The following ITGB2 variants were observed in gnomAD, a reference collection of about 807,000 sequenced individuals.
ITGB2 encodes integrin beta-2.
A neutral mutation model predicts 86.8 loss-of-function variants in ITGB2; 56 were observed. The observed-to-expected ratio is 0.65, with a 90% CI of 0.52 to 0.81. The LOEUF (loss-of-function observed/expected upper bound fraction) is 0.81, where lower values mean the gene tolerates loss of function less well. ITGB2 is among the 30% of genes least tolerant of loss of function. ITGB2 has a pLI of 0.00. For synonymous variants in ITGB2, 457 were observed against 450.4 expected, an observed-to-expected ratio of 1.01 and a Z score of -0.19; for missense variants, 948 against 1,061.2, an observed-to-expected ratio of 0.89 and a Z score of 1.48.
chr21:44,889,335 G>T lies in ITGB2; in HGVS notation c.1818C>A (p.Gly606=), dbSNP rs149858736. 55 of 1,612,918 alleles carry T rather than the reference G, an allele frequency of 3.4e-5. No homozygotes were observed. The African/African-American group carries it at 6.7e-4, about 20-fold the overall frequency. Residue 606 remains glycine (G), a synonymous_variant, in exon 13 of 16, where the codon GGC becomes GGA. Coordinates refer to ENST00000652462, the MANE Select transcript of ITGB2 (RefSeq NM_000211.5). The stretch of plus-strand genomic sequence containing the variant: ...ACTCCTGGCACAGAGGCAGCTGGTA[G>T]CCTGAATGGCACTCGCATACGTTGC... The part of the protein sequence containing the change: ...CRCNVCECHS[G]YQLPLCQECP...
chr21:44,920,106 AG>A (rs2084279142), intron 1 of ITGB2, among the ~76,000 whole-genome samples: 1 of 152,126 alleles, frequency 6.6e-6, no homozygotes, highest in Non-Finnish European at 1.5e-5. Context: ...CGGAGGAGGC[AG>A]GGAAGCTCGA....
At chr21:44,915,256 C>G (rs1032240401) in intron 1 of ITGB2, among the ~76,000 whole-genome samples, 5 of 152,022 alleles carry the variant, frequency 3.3e-5, no homozygotes, top group African/African-American at 4.8e-5. Flanking sequence ...GATCTCCTGA[C>G]CTCATGATCC....
At chr21:44,889,212 C>A in intron 13 of ITGB2, 64 bp downstream of exon 13, 1 of 1,528,868 alleles carries the variant, frequency 6.5e-7, no homozygotes, top group South Asian at 1.1e-5. Context: ...GTGAGCCCGG[C>A]TGCTGGGTAG....
intron 1 of ITGB2, chr21:44,911,525 G>A (rs1045548100): frequency 6.6e-6 from 1 of 152,450 alleles, no homozygotes; most frequent in Non-Finnish European, 1.5e-5. Flanking sequence ...GCCAGGCTGT[G>A]TGCCAGGAAG....
chr21:44,896,273 G>A (rs955616029), intron 8 of ITGB2, among the ~76,000 whole-genome samples: 2 of 152,348 alleles, frequency 1.3e-5, no homozygotes, highest in East Asian at 1.9e-4. Flanking sequence ...GATGGTAGGC[G>A]GAAGTAGCCC....
At chr21:44,892,271 A>T (rs1308632958) in intron 10 of ITGB2, among the ~76,000 whole-genome samples, 1 of 152,190 alleles carries the variant, frequency 6.6e-6, no homozygotes, top group Non-Finnish European at 1.5e-5. Context: ...AAATCAGGAG[A>T]AGCTGAGCAC....
chr21:44,899,008 T>C, intron 8 of ITGB2, 59 bp downstream of exon 8: 1 of 1,367,058 alleles, frequency 7.3e-7, no homozygotes, highest in Non-Finnish European at 1.0e-6. Context: ...GCGCTGGGTC[T>C]GGCCTGTGGC....
intron 10 of ITGB2, chr21:44,893,061 T>G: frequency 3.1e-6 from 1 of 327,416 alleles, no homozygotes; most frequent in Non-Finnish European, 6.0e-6. Flanking sequence ...GGCCAAGGCG[T>G]GTGTGAAGAA....
Position 44,899,053 on chromosome 21 carries a change from C to T in ITGB2, c.993+14G>A, listed in dbSNP as rs1312327123. 6.2e-7 allele frequency: 1 copy of T among 1,603,672 alleles called. No individual in the cohort carries two copies. The highest frequency in any genetic ancestry group is 1.1e-5 in the South Asian group (1 of 90,798). Reference sequence around the variant, plus strand: ...CCCCCACCCAATGGATGCTCGGGACCCAACAGCACTCACCTCGTAGGTCTT... The same window carrying T: ...CCCCCACCCAATGGATGCTCGGGACTCAACAGCACTCACCTCGTAGGTCTT... On this transcript the variant is annotated intron_variant, in intron 8 of 15. Coordinates refer to ENST00000652462, the MANE Select transcript of ITGB2 (RefSeq NM_000211.5).
chr21:44,894,855 G>C (rs778567394), intron 9 of ITGB2, 116 bp downstream of exon 9: 2 of 790,412 alleles, frequency 2.5e-6, no homozygotes, highest in Non-Finnish European at 4.4e-6. Flanking sequence ...CTGGCCCACG[G>C]GGCAGGGGCT....
rs559473874 is a variant in ITGB2, at chr21:44,926,059, C to G, written c.-4+2595G>C. 3.6e-4 allele frequency among the ~76,000 whole-genome samples: 55 copies of G among 152,272 alleles called. 1 individual carries two copies. The highest frequency in any genetic ancestry group is 1.3e-3 in the African/African-American group (52 of 41,550). Reference sequence around the variant, plus strand: ...GGCGGAGCTTGCAGTGAGCCAAGATCGTGCCACTGCACTCCAGCCTGGACA... The same window carrying G: ...GGCGGAGCTTGCAGTGAGCCAAGATGGTGCCACTGCACTCCAGCCTGGACA... On this transcript the variant is annotated intron_variant, in intron 1 of 15. Transcript: ENST00000355153.
intron 5 of ITGB2, among the ~76,000 whole-genome samples, chr21:44,902,092 G>A (rs117654143): frequency 0.013 from 2,053 of 152,332 alleles, 23 homozygotes; most frequent in South Asian, 0.052. Flanking sequence ...GTGTACATGC[G>A]TAGCACAACT....
rs146649863 is a variant in ITGB2 at position 44,887,316 on chromosome 21, G to A, written c.2081-414C>T. ...GTGAAAGTGATTTGTGGTCGTCAAG[G>A]ACAAGACCAGAGACCAGAGCTCAGC... On this transcript the variant is annotated intron_variant, in intron 14 of 15. Transcript: ENST00000652462. 6.9e-3 allele frequency among the ~76,000 whole-genome samples: 1,045 copies of A among 152,256 alleles called. 15 individuals carry two copies. Among genetic ancestry groups the A allele is most frequent in the African/African-American group, 0.024 (1,008 of 41,536 alleles).
chr21:44,895,677 C>T (rs1007282027), intron 8 of ITGB2, among the ~76,000 whole-genome samples: 4 of 151,928 alleles, frequency 2.6e-5, no homozygotes, highest in African/African-American at 9.7e-5. Flanking sequence ...CCCGTCTCTA[C>T]TAAAAATACA....
chr21:44,889,725 A>G (rs1202291522), intron 12 of ITGB2, among the ~76,000 whole-genome samples: 2 of 152,184 alleles, frequency 1.3e-5, no homozygotes, highest in Non-Finnish European at 2.9e-5. Context: ...GGACCTCAAT[A>G]GGGCTATGAC....
At chr21:44,911,657 T>G (rs1419905369) in intron 1 of ITGB2, among the ~76,000 whole-genome samples, 1 of 151,978 alleles carries the variant, frequency 6.6e-6, no homozygotes, top group African/African-American at 2.4e-5. Context: ...GTTGCCGGGG[T>G]CCTGCCCTTT....
rs1181135718 is a variant in ITGB2 at position 44,891,907 on chromosome 21, G to A, written c.1314C>T (p.Thr438=). ...ACTCACACTGGGGAAGAACCTGCAC[G>A]GTCACTATGTCCGTGAAGCCCAGCG... ...IRALGFTDIV[T]VQVLPQCECR... is the part of the protein sequence containing the mutation. The change falls in exon 11 of 16, where the codon ACC becomes ACT. Residue 438 remains threonine, a synonymous_variant. Coordinates refer to ENST00000652462, the MANE Select transcript of ITGB2 (RefSeq NM_000211.5). 6.2e-6 allele frequency: 10 copies of A among 1,613,312 alleles called. No homozygotes were observed. Among genetic ancestry groups the A allele is most frequent in the Middle Eastern group, 1.6e-4 (1 of 6,062 alleles).
chr21:44,894,634 C>T, intron 9 of ITGB2: 1 of 382,850 alleles, frequency 2.6e-6, no homozygotes, highest in South Asian at 2.2e-5. Flanking sequence ...TTCCTGTGGC[C>T]TCCTCCTGCC....
chr21:44,889,511 G>T lies in ITGB2; in HGVS notation c.1658-16C>A. Reference sequence around the variant, plus strand: ...AGCCCCCTCCCTGGAAGACGGGGCAGCACGGCTAAGCTCCTGCTTGGCCTG... The same window carrying T: ...AGCCCCCTCCCTGGAAGACGGGGCATCACGGCTAAGCTCCTGCTTGGCCTG... On this transcript the variant is annotated splice_polypyrimidine_tract_variant and intron_variant, in intron 12 of 15. Coordinates refer to ENST00000652462, the MANE Select transcript of ITGB2 (RefSeq NM_000211.5). The T allele has an allele frequency of 6.5e-7, 1 of 1,547,714 alleles. No individual in the cohort carries two copies. The highest frequency in any genetic ancestry group is 8.7e-7 in the Non-Finnish European group (1 of 1,145,224).
Sources: gnomAD v4.1 joint callset for allele counts (sites outside exome capture counted in the v4.1 genomes callset) on GRCh38, gnomAD v4.1.1 for gene constraint, MANE v1.5 for transcripts, NCBI Gene and HGNC (gene_info 2026-07-23, HGNC 2026-07-21) for gene names.